PHKB: variants seen among roughly 807,000 people sequenced by gnomAD.
PHKB encodes phosphorylase kinase regulatory subunit beta.
Under a neutral mutation model 152.1 loss-of-function variants are expected in PHKB, and 122 were observed. The ratio of observed to expected loss-of-function variants is 0.80; its 90% CI spans 0.69 to 0.93. The LOEUF is 0.93. Among genes scored for constraint, PHKB ranks in the 40% least tolerant of loss-of-function variants. The pLI, the probability that PHKB is intolerant of heterozygous loss-of-function variation, is 0.00. For missense variants in PHKB, 1,304 were observed against 1,328.4 expected, an observed-to-expected ratio of 0.98 and a Z score of 0.29; for synonymous variants, 436 against 464.9, an observed-to-expected ratio of 0.94 and a Z score of 0.80.
At chr16:47,577,500 C>A (rs537990566) in intron 7 of PHKB, among the ~76,000 whole-genome samples, 1 of 152,100 alleles carries the variant, frequency 6.6e-6, no homozygotes. Flanking sequence ...TAAAAAATTA[C>A]CTTTCTGTTT....
chr16:47,493,786 A>T (rs1022701537), intron 1 of PHKB, among the ~76,000 whole-genome samples: 3 of 152,200 alleles, frequency 2.0e-5, no homozygotes, highest in African/African-American at 7.2e-5. Flanking sequence ...CATGTTTTTC[A>T]CTTAAGCCTC....
chr16:47,654,947 A>C (rs1048506634), intron 20 of PHKB, among the ~76,000 whole-genome samples: 14 of 152,050 alleles, frequency 9.2e-5, no homozygotes, highest in South Asian at 2.1e-4. Context: ...AAAACTTAAA[A>C]TATAATAAAA....
At chr16:47,630,147 A>T (rs1972799574) in intron 14 of PHKB, among the ~76,000 whole-genome samples, 1 of 152,166 alleles carries the variant, frequency 6.6e-6, no homozygotes, top group African/African-American at 2.4e-5. Context: ...CACATTGTGC[A>T]CATGTACCCT....
At chr16:47,473,751 T>C (rs1465478972) in intron 1 of PHKB, among the ~76,000 whole-genome samples, 2 of 152,322 alleles carry the variant, frequency 1.3e-5, no homozygotes, top group South Asian at 2.1e-4. Flanking sequence ...AATTGACAAA[T>C]AGTAATTGTA....
intron 13 of PHKB, among the ~76,000 whole-genome samples, chr16:47,602,387 G>A (rs1972244127): frequency 1.3e-5 from 2 of 152,056 alleles, no homozygotes; most frequent in Admixed American, 1.3e-4. Flanking sequence ...AAGTTCTTTG[G>A]TAAGTGATTG....
chr16:47,530,014 A>C (rs988132129), intron 6 of PHKB: 1 of 152,186 alleles, frequency 6.6e-6, no homozygotes, highest in Non-Finnish European at 1.5e-5. Context: ...ATTCTAATAA[A>C]ATGGAATTTT....
intron 16 of PHKB, among the ~76,000 whole-genome samples, chr16:47,646,601 C>T (rs1597148006): frequency 9.0e-6 from 1 of 111,660 alleles, no homozygotes; most frequent in Non-Finnish European, 2.0e-5. Context: ...AGTTACAGAA[C>T]ATACAAAGAG....
At chr16:47,688,725 C>A (rs1597183260) in intron 26 of PHKB, among the ~76,000 whole-genome samples, 1 of 136,394 alleles carries the variant, frequency 7.3e-6, no homozygotes, top group African/African-American at 2.7e-5. Context: ...TAAGAAAATA[C>A]AGTGTAGCAG....
intron 24 of PHKB, chr16:47,664,392 CAT>C (rs1973500240): frequency 5.7e-6 from 1 of 175,062 alleles, no homozygotes; most frequent in South Asian, 1.3e-4. Flanking sequence ...TATATATACA[CAT>C]GCACACATTT....
At chr16:47,679,587 C>A (rs553759693) in intron 26 of PHKB, among the ~76,000 whole-genome samples, 23 of 152,158 alleles carry the variant, frequency 1.5e-4, no homozygotes, top group African/African-American at 4.8e-4. Flanking sequence ...TTATTGGTGT[C>A]TAAGAATGCT....
intron 14 of PHKB, among the ~76,000 whole-genome samples, chr16:47,621,547 T>C (rs1232671866): frequency 6.6e-6 from 1 of 152,178 alleles, no homozygotes; most frequent in African/African-American, 2.4e-5. Context: ...TGCTCTCAAA[T>C]AGTTTAACCA....
chr16:47,685,619 T>G (rs529334069), intron 26 of PHKB, among the ~76,000 whole-genome samples: 3 of 152,206 alleles, frequency 2.0e-5, no homozygotes, highest in Non-Finnish European at 4.4e-5. Context: ...GATTTCTGAC[T>G]GCTATTAATA....
intron 14 of PHKB, among the ~76,000 whole-genome samples, chr16:47,636,588 G>A (rs1397478127): frequency 6.6e-6 from 1 of 152,224 alleles, no homozygotes; most frequent in East Asian, 1.9e-4. Flanking sequence ...TTGTGACTGA[G>A]CCTGGGTGCT....
intron 13 of PHKB, among the ~76,000 whole-genome samples, chr16:47,606,029 A>G (rs1335952167): frequency 6.6e-6 from 1 of 152,222 alleles, no homozygotes; most frequent in Non-Finnish European, 1.5e-5. Flanking sequence ...ATGAATGAAT[A>G]TATGTGAAAT....
rs1406602174 is a variant in PHKB, at chr16:47,669,271, A to G, written c.2484A>G (p.Pro828=). The change falls in exon 26 of 31, where the codon CCA becomes CCG. Residue 828 remains proline, a synonymous_variant. Coordinates refer to ENST00000323584, the MANE Select transcript of PHKB (RefSeq NM_000293.3). The part of the protein sequence containing the change: ...EEEVISNPLS[P]RVIQNIIYYK... Reference sequence around the variant, plus strand: ...AAGTTATCTCTAATCCTTTGTCTCCAAGAGTGATTCAAAACATCATCTATT... The same window carrying G: ...AAGTTATCTCTAATCCTTTGTCTCCGAGAGTGATTCAAAACATCATCTATT... 1.2e-6 allele frequency: 2 copies of G among 1,614,018 alleles called. No homozygotes were observed. Among genetic ancestry groups the G allele is most frequent in the African/African-American group, 1.3e-5 (1 of 74,910 alleles).
intron 28 of PHKB, among the ~76,000 whole-genome samples, chr16:47,694,507 A>G (rs1025815690): frequency 6.6e-5 from 10 of 152,196 alleles, no homozygotes; most frequent in Non-Finnish European, 1.5e-4. Context: ...TGTGAGTGGG[A>G]GGATGGTGTG....
At chr16:47,490,021 T>C in intron 1 of PHKB, among the ~76,000 whole-genome samples, 1 of 152,138 alleles carries the variant, frequency 6.6e-6, no homozygotes, top group Non-Finnish European at 1.5e-5. Context: ...ATAAATAGTT[T>C]AAAATAAGTT....
At position 47,701,432 on chromosome 16, in the gene PHKB, CTG is replaced by C. The variant is rs968139435; in HGVS notation, c.*2069_*2070del. 2.0e-5 allele frequency: 3 copies of C among 152,172 alleles called. No homozygotes were observed. The highest frequency in any genetic ancestry group is 7.2e-5 in the African/African-American group (3 of 41,426). 9.4% of individuals were successfully genotyped at this position (152,172 alleles called of 1,614,324 possible). The stretch of plus-strand genomic sequence containing the variant: ...TGCTACTCCTGAAAGCATTCAGAAT[CTG>C]TGACACGTATTGACTTCATGCTTTG... On this transcript the variant is annotated 3_prime_UTR_variant, in exon 31 of 31. Coordinates refer to ENST00000323584, the MANE Select transcript of PHKB (RefSeq NM_000293.3).
At chr16:47,649,358 G>A (rs1244146072) in intron 18 of PHKB, among the ~76,000 whole-genome samples, 154 bp downstream of exon 18, 2 of 152,128 alleles carry the variant, frequency 1.3e-5, no homozygotes, top group African/African-American at 4.8e-5. Flanking sequence ...TTTGGAGAGT[G>A]TAAATTACTT....
Sources: allele counts gnomAD v4.1 joint callset (sites outside exome capture counted in the v4.1 genomes callset), GRCh38; gene constraint gnomAD v4.1.1; transcripts MANE v1.5; gene names NCBI Gene and HGNC (gene_info 2026-07-23, HGNC 2026-07-21).